The following NKX2-4 variants were observed in gnomAD, a reference collection of about 807,000 sequenced individuals.
NKX2-4 encodes homeobox protein Nkx-2.4.
NKX2-4 carries 6 observed loss-of-function variants against 8.6 expected under a neutral mutation model. The observed-to-expected ratio is 0.70, with a 90% CI of 0.38 to 1.38. The LOEUF is 1.38. Ranked by LOEUF, NKX2-4 falls within the 40% of genes most tolerant of loss-of-function variation. The pLI, the probability that NKX2-4 is intolerant of heterozygous loss-of-function variation, is 0.02. For missense variants in NKX2-4, 601 were observed against 548.4 expected (o/e 1.10, Z -0.96); for synonymous variants, 299 against 272.6 (o/e 1.10, Z -0.95).
rs1350920086 is a variant in NKX2-4, at chr20:21,395,977, G to A, written c.999C>T (p.Asp333=). Residue 333 remains aspartate, a synonymous_variant, in exon 2 of 2, where the codon GAC becomes GAT. Transcript: ENST00000351817. Reference sequence around the variant, plus strand: ...CGCCGCTGTACTCCCCGGCGGCCGCGTCCAGGGCCGCCAGGCCGCCCCCCG... The same window carrying A: ...CGCCGCTGTACTCCCCGGCGGCCGCATCCAGGGCCGCCAGGCCGCCCCCCG... ...HGPGGGLAAL[D]AAAGEYSGGV... 1.5e-6 allele frequency: 2 copies of A among 1,301,416 alleles called. No homozygotes were observed. Among genetic ancestry groups the A allele is most frequent in the Middle Eastern group, 2.6e-4 (1 of 3,912 alleles). The allele number at this position is 1,301,416 out of a possible 1,614,324, so 80.6% of individuals were successfully genotyped here. A position where few individuals can be genotyped will look rare whatever the true frequency, so the allele number is the denominator to read the frequency against.
chr20:21,396,446 C>G lies in NKX2-4; in HGVS notation c.530G>C (p.Gly177Ala). Residue 177 changes from glycine to alanine, a missense_variant, in exon 2 of 2, where the codon GGC becomes GCC. Coordinates refer to ENST00000351817, the MANE Select transcript of NKX2-4 (RefSeq NM_033176.2). ...TGIADAAKSL[G>A]PLHAAAAAAA... ...TGCCGCCGCCGCCGCGTGCAGCGGGCCCAGCGACTTGGCGGCGTCCGCGAT... is the reference window on the plus strand; with the variant it reads ...TGCCGCCGCCGCCGCGTGCAGCGGGGCCAGCGACTTGGCGGCGTCCGCGAT... The G allele has an allele frequency of 6.6e-7, 1 of 1,505,908 alleles. No individual in the cohort carries two copies. The highest frequency in any genetic ancestry group is 2.3e-5 in the Admixed American group (1 of 43,308). 93.3% of individuals were successfully genotyped at this position (1,505,908 alleles called of 1,614,324 possible). A position where few individuals can be genotyped will look rare whatever the true frequency, so the allele number is the denominator to read the frequency against.
chr20:21,397,244 T>C lies in NKX2-4; in HGVS notation c.156A>G (p.Pro52=). 8.1e-7 allele frequency: 1 copy of C among 1,237,910 alleles called. No homozygotes were observed. Among genetic ancestry groups the C allele is most frequent in the Non-Finnish European group, 1.0e-6 (1 of 996,202 alleles). The allele number at this position is 1,237,910 out of a possible 1,614,324, so 76.7% of individuals were successfully genotyped here. A position where few individuals can be genotyped will look rare whatever the true frequency, so the allele number is the denominator to read the frequency against. The part of the protein sequence containing the change: ...LGAAAAYRAP[P]PGPSSQAATV... ...TCGCCGCCTGCGAGGAGGGCCCAGG[T>C]GGCGGCGCGCGGTAGGCGGCCGCGG... The change falls in exon 1 of 2, where the codon CCA becomes CCG. Residue 52 remains proline (P), a synonymous_variant. Transcript: ENST00000351817.
rs1201931922 is a variant in NKX2-4, at chr20:21,397,117, T to C, written c.283A>G (p.Met95Val). The C allele has an allele frequency of 3.8e-6, 5 of 1,328,350 alleles. No homozygotes were observed. In the South Asian group the frequency reaches 8.2e-5, roughly 22 times the overall value. The allele number at this position is 1,328,350 out of a possible 1,614,324, so 82.3% of individuals were successfully genotyped here. A position where few individuals can be genotyped will look rare whatever the true frequency, so the allele number is the denominator to read the frequency against. ...AAAAAAATYH[M>V]PPGVSQFPHG... ...GGGAACTGCGAGACGCCGGGCGGCATGTGGTAGGTGGCGGCCGCCGCCGCC... is the reference window on the plus strand; with the variant it reads ...GGGAACTGCGAGACGCCGGGCGGCACGTGGTAGGTGGCGGCCGCCGCCGCC... Residue 95 changes from methionine to valine, a missense_variant, in exon 1 of 2, where the codon ATG (methionine) becomes GTG (valine). Physicochemically the swap from Met to Val is conservative, Grantham distance 21 (BLOSUM62 1). Transcript: ENST00000351817.
intron 1 of NKX2-4, among the ~76,000 whole-genome samples, chr20:21,396,757 G>C (rs1287143346): frequency 1.3e-5 from 2 of 148,662 alleles, no homozygotes; most frequent in Non-Finnish European, 3.0e-5. Context: ...GCGCGTTCCC[G>C]GTCAGGTCCC....
At position 21,397,268 on chromosome 20, in the gene NKX2-4, G is replaced by C. The variant is rs1214865152; in HGVS notation, c.132C>G (p.Ala44=). The change falls in exon 1 of 2, where the codon GCC becomes GCG. Residue 44 remains alanine (A), a synonymous_variant. Transcript: ENST00000351817. ...APPGLGAPLG[A]AAAYRAPPPG... is the part of the protein sequence containing the mutation. ...GTGGCGGCGCGCGGTAGGCGGCCGC[G>C]GCCCCCAGGGGCGCCCCCAGGCCGG... The C allele has an allele frequency of 5.6e-6, 7 of 1,242,012 alleles. No homozygotes were observed. In the East Asian group the frequency reaches 2.4e-4, roughly 42 times the overall value. 76.9% of individuals were successfully genotyped at this position (1,242,012 alleles called of 1,614,324 possible).
At position 21,397,420 on chromosome 20, in the gene NKX2-4, AG is replaced by A; in HGVS notation, c.-22del. On this transcript the variant is annotated 5_prime_UTR_variant, in exon 1 of 2. Coordinates refer to ENST00000351817, the MANE Select transcript of NKX2-4 (RefSeq NM_033176.2). ...GACATGGCTCGGCGGGCAGCCAGGT[AG>A]GGGGGCCTGGGGCGCGCGCCGGCAG... is the stretch of plus-strand genomic sequence containing the variant. 2.3e-6 allele frequency: 3 copies of A among 1,317,354 alleles called. No homozygotes were observed. Among genetic ancestry groups the A allele is most frequent in the South Asian group, 4.1e-5 (2 of 49,182 alleles). The allele number at this position is 1,317,354 out of a possible 1,614,324, so 81.6% of individuals were successfully genotyped here.
chr20:21,397,179 T>C lies in NKX2-4; in HGVS notation c.221A>G (p.His74Arg). The C allele has an allele frequency of 9.5e-6, 12 of 1,262,314 alleles. No individual in the cohort carries two copies. Among genetic ancestry groups the C allele is most frequent in the Non-Finnish European group, 1.1e-5 (11 of 1,009,952 alleles). 78.2% of individuals were successfully genotyped at this position (1,262,314 alleles called of 1,614,324 possible). ...GMQPSHAMAG[H>R]NAAAAAAAAA... Reference sequence around the variant, plus strand: ...CGCCGCCGCCGCGGCCGCCGCGTTGTGACCCGCCATGGCGTGAGAAGGCTG... The same window carrying C: ...CGCCGCCGCCGCGGCCGCCGCGTTGCGACCCGCCATGGCGTGAGAAGGCTG... Residue 74 changes from histidine to arginine, a missense_variant, in exon 1 of 2, where the codon CAC (histidine) becomes CGC (arginine). By Grantham distance (29) the His-to-Arg change is conservative (BLOSUM62 0). Transcript: ENST00000351817.
At chr20:21,396,586 C>G (rs1284790833) in intron 1 of NKX2-4, 53 bp from the exon 2 acceptor site, 1 of 1,322,904 alleles carries the variant, frequency 7.6e-7, no homozygotes, top group East Asian at 3.1e-5. Context: ...CCGCCGGGAG[C>G]CGGTCCAGCC....
chr20:21,395,879 C>T lies in NKX2-4; in HGVS notation c.*32G>A. On this transcript the variant is annotated 3_prime_UTR_variant, in exon 2 of 2. Coordinates refer to ENST00000351817, the MANE Select transcript of NKX2-4 (RefSeq NM_033176.2). ...CAGTTTCTTGCAGACCCTTCGGGTG[C>T]ACCAGGACCTAGCCCCGGGGCGCCC... is the stretch of plus-strand genomic sequence containing the variant. 7.7e-7 allele frequency: 1 copy of T among 1,304,182 alleles called. No individual in the cohort carries two copies. The highest frequency in any genetic ancestry group is 9.8e-7 in the Non-Finnish European group (1 of 1,024,372). The allele number at this position is 1,304,182 out of a possible 1,614,324, so 80.8% of individuals were successfully genotyped here.
rs758172418 is a variant in NKX2-4, at chr20:21,397,097, C to T, written c.303G>A (p.Gln101=). The change falls in exon 1 of 2, where the codon CAG becomes CAA. Residue 101 remains glutamine, a synonymous_variant. Coordinates refer to ENST00000351817, the MANE Select transcript of NKX2-4 (RefSeq NM_033176.2). ...ATYHMPPGVS[Q]FPHGAMGSYC... ...AGCTGCCCATGGCGCCGTGCGGGAA[C>T]TGCGAGACGCCGGGCGGCATGTGGT... 2.2e-5 allele frequency: 31 copies of T among 1,381,878 alleles called. No individual in the cohort carries two copies. Among genetic ancestry groups the T allele is most frequent in the African/African-American group, 3.0e-5 (2 of 66,764 alleles). The allele number at this position is 1,381,878 out of a possible 1,614,324, so 85.6% of individuals were successfully genotyped here. A position where few individuals can be genotyped will look rare whatever the true frequency, so the allele number is the denominator to read the frequency against.
chr20:21,396,771 A>AC (rs1229465016), intron 1 of NKX2-4, among the ~76,000 whole-genome samples, 187 bp downstream of exon 1: 5 of 140,286 alleles, frequency 3.6e-5, no homozygotes, highest in South Asian at 2.3e-4. Flanking sequence ...AGGTCCCAGG[A>AC]CCCCCCGCGC....
At chr20:21,396,885 CG>C in intron 1 of NKX2-4, 72 bp downstream of exon 1, 1 of 1,233,216 alleles carries the variant, frequency 8.1e-7, no homozygotes, top group Non-Finnish European at 1.0e-6. Context: ...CCCCGTCCCG[CG>C]CCCCCGCGCC....
At position 21,396,989 on chromosome 20, in the gene NKX2-4, G is replaced by A. The variant is rs1168522585; in HGVS notation, c.411C>T (p.Tyr137=). The A allele has an allele frequency of 1.4e-6, 2 of 1,475,298 alleles. No individual in the cohort carries two copies. Among genetic ancestry groups the A allele is most frequent in the South Asian group, 1.3e-5 (1 of 78,382 alleles). The allele number at this position is 1,475,298 out of a possible 1,614,324, so 91.4% of individuals were successfully genotyped here. Residue 137 remains tyrosine, a synonymous_variant, in exon 1 of 2, where the codon TAC becomes TAT. Transcript: ENST00000351817. ...AGTAGCGTGGGTCCGGGTTGGCGCC[G>A]TACCAGCCGGTGGCCGCGCCGCCCC... ...GMRGGAATGW[Y]GANPDPRYSS...
chr20:21,396,125 C>A lies in NKX2-4; in HGVS notation c.851G>T (p.Gly284Val). ...GCTGGCGCCGTTCTGGCACGGCTTG[C>A]CGTCCTTGACCAGCACAGGCACCGC... ...RVAVPVLVKD[G>V]KPCQNGASTP... The change falls in exon 2 of 2, where the codon GGC becomes GTC. Residue 284 changes from glycine (G) to valine (V), a missense_variant. By Grantham distance (109) the Gly-to-Val change is moderately radical (BLOSUM62 -3). Transcript: ENST00000351817. The A allele has an allele frequency of 7.0e-7, 1 of 1,420,152 alleles. No homozygotes were observed. Among genetic ancestry groups the A allele is most frequent in the Non-Finnish European group, 9.2e-7 (1 of 1,092,582 alleles). The allele number at this position is 1,420,152 out of a possible 1,614,324, so 88.0% of individuals were successfully genotyped here. A position where few individuals can be genotyped will look rare whatever the true frequency, so the allele number is the denominator to read the frequency against.
In NKX2-4 at chr20:21,396,458, G is replaced by A; in HGVS notation, c.518C>T (p.Ala173Val). Reference sequence around the variant, plus strand: ...CGCGTGCAGCGGGCCCAGCGACTTGGCGGCGTCCGCGATGCCGGTCAGCGA... The same window carrying A: ...CGCGTGCAGCGGGCCCAGCGACTTGACGGCGTCCGCGATGCCGGTCAGCGA... ...MGSLTGIADA[A>V]KSLGPLHAAA... The change falls in exon 2 of 2, where the codon GCC (alanine) becomes GTC (valine). Residue 173 changes from alanine to valine, a missense_variant. Coordinates refer to ENST00000351817, the MANE Select transcript of NKX2-4 (RefSeq NM_033176.2). 6.7e-7 allele frequency: 1 copy of A among 1,489,842 alleles called. No individual in the cohort carries two copies. The highest frequency in any genetic ancestry group is 8.8e-7 in the Non-Finnish European group (1 of 1,131,902). The allele number at this position is 1,489,842 out of a possible 1,614,324, so 92.3% of individuals were successfully genotyped here.
At position 21,397,522 on chromosome 20, in the gene NKX2-4, G is replaced by A. The variant is rs1439511329; in HGVS notation, c.-123C>T. On this transcript the variant is annotated 5_prime_UTR_variant, in exon 1 of 2. Coordinates refer to ENST00000351817, the MANE Select transcript of NKX2-4 (RefSeq NM_033176.2). ...TGACGAGGAGTCGGCGGCTCGGCGA[G>A]CCCCCCGGGCTGCGGGATCTGGGGT... 1.7e-6 allele frequency: 2 copies of A among 1,142,998 alleles called. No individual in the cohort carries two copies. The highest frequency in any genetic ancestry group is 4.5e-5 in the Admixed American group (1 of 22,116). 70.8% of individuals were successfully genotyped at this position (1,142,998 alleles called of 1,614,324 possible).
Position 21,397,516 on chromosome 20 carries a change from C to T in NKX2-4, c.-117G>A, listed in dbSNP as rs1467276170. 4 of 1,171,882 alleles carry T rather than the reference C, an allele frequency of 3.4e-6. No individual in the cohort carries two copies. The highest frequency in any genetic ancestry group is 2.1e-6 in the Non-Finnish European group (2 of 944,466). The allele number at this position is 1,171,882 out of a possible 1,614,324, so 72.6% of individuals were successfully genotyped here. On this transcript the variant is annotated 5_prime_UTR_variant, in exon 1 of 2. Transcript: ENST00000351817. ...AGCCTGTGACGAGGAGTCGGCGGCTCGGCGAGCCCCCCGGGCTGCGGGATC... is the reference window on the plus strand; with the variant it reads ...AGCCTGTGACGAGGAGTCGGCGGCTTGGCGAGCCCCCCGGGCTGCGGGATC...
At position 21,395,935 on chromosome 20, in the gene NKX2-4, G is replaced by A. The variant is rs940603948; in HGVS notation, c.1041C>T (p.Asn347=). Reference sequence around the variant, plus strand: ...GTCACCACGTCCTGCCATAGAGCAGGTTGGCGCCCAGGACGCCGCCGCTGT... The same window carrying A: ...GTCACCACGTCCTGCCATAGAGCAGATTGGCGCCCAGGACGCCGCCGCTGT... ...GEYSGGVLGA[N]LLYGRTW is the part of the protein sequence containing the mutation. The change falls in exon 2 of 2, where the codon AAC becomes AAT. Residue 347 remains asparagine (N), a synonymous_variant. Transcript: ENST00000351817. 3.0e-6 allele frequency: 4 copies of A among 1,338,096 alleles called. No individual in the cohort carries two copies. The East Asian group carries it at 8.4e-5, about 28-fold the overall frequency. 82.9% of individuals were successfully genotyped at this position (1,338,096 alleles called of 1,614,324 possible). A position where few individuals can be genotyped will look rare whatever the true frequency, so the allele number is the denominator to read the frequency against.
Position 21,396,960 on chromosome 20 carries a change from G to A in NKX2-4, c.440C>T (p.Ser147Leu). ...CCCGCGCTCCTGGCCCCTCTCACTT[G>A]ACGAGTAGCGTGGGTCCGGGTTGGC... ...YGANPDPRYS[S>L]ISRFMGPSAG... The change falls in exon 1 of 2, where the codon TCA (serine) becomes TTA (leucine). Residue 147 changes from serine (S) to leucine (L), a missense_variant and splice_region_variant. By Grantham distance (145) the Ser-to-Leu change is moderately radical. Coordinates refer to ENST00000351817, the MANE Select transcript of NKX2-4 (RefSeq NM_033176.2). 6.9e-7 allele frequency: 1 copy of A among 1,457,662 alleles called. No individual in the cohort carries two copies. Among genetic ancestry groups the A allele is most frequent in the South Asian group, 1.3e-5 (1 of 76,186 alleles). 90.3% of individuals were successfully genotyped at this position (1,457,662 alleles called of 1,614,324 possible).
Sources: allele counts gnomAD v4.1 joint callset (sites outside exome capture counted in the v4.1 genomes callset), GRCh38; gene constraint gnomAD v4.1.1; transcripts MANE v1.5; gene names NCBI Gene and HGNC (gene_info 2026-07-23, HGNC 2026-07-21).